SORCS2: variants seen among roughly 807,000 people sequenced by gnomAD.
SORCS2 encodes the protein VPS10 domain-containing receptor SorCS2.
In SORCS2, 100 loss-of-function variants were observed where a neutral mutation model predicts 141.6. The observed-to-expected ratio is 0.71, with a 90% CI of 0.60 to 0.83. The LOEUF (loss-of-function observed/expected upper bound fraction) is 0.83, where lower values mean the gene tolerates loss of function less well. SORCS2 is among the 40% of genes least tolerant of loss of function. SORCS2 has a pLI of 0.00. For missense variants in SORCS2, 1,646 were observed against 1,560.2 expected, an observed-to-expected ratio of 1.05 and a Z score of -0.93; for synonymous variants, 789 against 676.9, an observed-to-expected ratio of 1.17 and a Z score of -2.57.
At chr4:7,598,813 G>C (rs538811751) in intron 3 of SORCS2, among the ~76,000 whole-genome samples, 12 of 152,208 alleles carry the variant, frequency 7.9e-5, no homozygotes, top group African/African-American at 2.9e-4. Context: ...GGTGTTGGGG[G>C]TGGGGACAGG....
At chr4:7,491,944 T>C (rs547167209) in intron 2 of SORCS2, among the ~76,000 whole-genome samples, 2 of 152,186 alleles carry the variant, frequency 1.3e-5, no homozygotes, top group Non-Finnish European at 2.9e-5. Flanking sequence ...CTGAGCACCA[T>C]GAATGTTGGC....
chr4:7,202,253 G>A (rs771872740), intron 1 of SORCS2, among the ~76,000 whole-genome samples: 1 of 152,102 alleles, frequency 6.6e-6, no homozygotes, highest in Non-Finnish European at 1.5e-5. Context: ...ACTCGGGACC[G>A]CTTCCCAGAA....
At chr4:7,645,421 A>T (rs1053439169) in intron 4 of SORCS2, among the ~76,000 whole-genome samples, 1 of 152,148 alleles carries the variant, frequency 6.6e-6, no homozygotes, top group African/African-American at 2.4e-5. Context: ...ATTTGTCAAG[A>T]GGGAAAATTG....
At chr4:7,601,675 G>GC in intron 3 of SORCS2, among the ~76,000 whole-genome samples, 1 of 145,696 alleles carries the variant, frequency 6.9e-6, no homozygotes, top group East Asian at 2.0e-4. Flanking sequence ...TTGTTTGTTT[G>GC]TTTTTTTAGT....
chr4:7,288,545 A>AGGGGCGGGGGGCGG (rs564156245), intron 1 of SORCS2, among the ~76,000 whole-genome samples: 2 of 37,034 alleles, frequency 5.4e-5, no homozygotes, highest in East Asian at 2.3e-3. Context: ...CTCTTCTCCC[A>AGGGGCGGGGGGCGG]GGGGCGGGGG....
chr4:7,249,690 G>T (rs780213858), intron 1 of SORCS2, among the ~76,000 whole-genome samples: 1 of 152,204 alleles, frequency 6.6e-6, no homozygotes, highest in Non-Finnish European at 1.5e-5. Flanking sequence ...AAAGGTGGAC[G>T]GGGAAGTAAC....
chr4:7,280,841 A>G (rs1452582566), intron 1 of SORCS2, among the ~76,000 whole-genome samples: 1 of 152,218 alleles, frequency 6.6e-6, no homozygotes, highest in Non-Finnish European at 1.5e-5. Flanking sequence ...GATATAACCC[A>G]AGTACAGTGC....
chr4:7,642,010 G>C (rs375759681), intron 4 of SORCS2, among the ~76,000 whole-genome samples: 4 of 151,652 alleles, frequency 2.6e-5, no homozygotes, highest in South Asian at 4.2e-4. Context: ...TGGATGGATG[G>C]GTGGATGGAG....
At chr4:7,636,414 C>T (rs1408903077) in intron 3 of SORCS2, among the ~76,000 whole-genome samples, 5 of 152,194 alleles carry the variant, frequency 3.3e-5, no homozygotes, top group Admixed American at 6.5e-5. Flanking sequence ...AAGGAACGAA[C>T]GAACACTGTG....
At chr4:7,553,708 G>A (rs1713899569) in intron 3 of SORCS2, among the ~76,000 whole-genome samples, 1 of 152,220 alleles carries the variant, frequency 6.6e-6, no homozygotes, top group Non-Finnish European at 1.5e-5. Flanking sequence ...TGTGAGAATG[G>A]ATGGAAGCCC....
intron 1 of SORCS2, among the ~76,000 whole-genome samples, chr4:7,306,683 G>A (rs973591301): frequency 6.6e-6 from 1 of 152,324 alleles, no homozygotes; most frequent in Middle Eastern, 3.4e-3. Flanking sequence ...GAAGTGCTCT[G>A]TGCTCTCCAG....
intron 2 of SORCS2, among the ~76,000 whole-genome samples, chr4:7,510,919 G>A (rs1173704486): frequency 6.6e-6 from 1 of 152,186 alleles, no homozygotes; most frequent in Non-Finnish European, 1.5e-5. Context: ...TGACTGTCCC[G>A]TAGTGGGCAG....
At chr4:7,275,790 T>A (rs1309126693) in intron 1 of SORCS2, among the ~76,000 whole-genome samples, 1 of 152,212 alleles carries the variant, frequency 6.6e-6, no homozygotes, top group African/African-American at 2.4e-5. Flanking sequence ...TGAGCTTTGA[T>A]GTGTAGTGTC....
intron 1 of SORCS2, among the ~76,000 whole-genome samples, chr4:7,283,747 A>C (rs2108864091): frequency 1.3e-5 from 2 of 152,124 alleles, no homozygotes; most frequent in South Asian, 4.2e-4. Context: ...GGGCCCAAGC[A>C]GGAGTTGGGA....
chr4:7,494,735 G>A (rs1392319696), intron 2 of SORCS2, among the ~76,000 whole-genome samples: 1 of 152,230 alleles, frequency 6.6e-6, no homozygotes. Context: ...ATCAGTCCCT[G>A]CCTGATTTCT....
intron 2 of SORCS2, among the ~76,000 whole-genome samples, chr4:7,525,206 C>T (rs986001815): frequency 3.3e-5 from 5 of 152,106 alleles, no homozygotes; most frequent in South Asian, 2.1e-4. Context: ...AAACACAGTC[C>T]GGGCAAGAGG....
chr4:7,402,843 C>T (rs4689729), intron 2 of SORCS2, among the ~76,000 whole-genome samples: 66,331 of 151,484 alleles, frequency 0.44, 14,592 homozygotes, highest in Middle Eastern at 0.57. Flanking sequence ...TGTTTATTGA[C>T]TTTTTGGGTC....
chr4:7,472,298 T>G (rs2109348346), intron 2 of SORCS2, among the ~76,000 whole-genome samples: 1 of 152,260 alleles, frequency 6.6e-6, no homozygotes, highest in East Asian at 1.9e-4. Flanking sequence ...TTGGGGATGA[T>G]TCAGGGCAGG....
At chr4:7,393,141 G>A (rs538766938) in intron 1 of SORCS2, among the ~76,000 whole-genome samples, 3 of 152,260 alleles carry the variant, frequency 2.0e-5, no homozygotes, top group African/African-American at 7.2e-5. Context: ...AGCCGCGGCC[G>A]ACCTCTTGTG....
Sources: allele counts gnomAD v4.1 joint callset (sites outside exome capture counted in the v4.1 genomes callset), GRCh38; gene constraint gnomAD v4.1.1; transcripts MANE v1.5; gene names NCBI Gene and HGNC (gene_info 2026-07-23, HGNC 2026-07-21).